NLGN4X: variants seen among roughly 807,000 people sequenced by gnomAD.
NLGN4X encodes the protein neuroligin-4, X-linked.
Under a neutral mutation model 40.3 loss-of-function variants are expected in NLGN4X, and 3 were observed. That is an observed-to-expected ratio of 0.07 (90% CI 0.03 to 0.19). The LOEUF is 0.19. NLGN4X is among the 10% of genes least tolerant of loss of function. The pLI, the probability that NLGN4X is intolerant of heterozygous loss-of-function variation, is 1.00. For synonymous variants in NLGN4X, 270 were observed against 306.8 expected (o/e 0.88, Z 1.25); for missense variants, 382 against 708.3 (o/e 0.54, Z 5.23).
intron 1 of NLGN4X, among the ~76,000 whole-genome samples, chrX:6,198,070 C>CA (rs763941311): frequency 8.6e-5 from 9 of 104,753 alleles, no homozygotes; most frequent in Admixed American, 4.1e-4. Context: ...TCTCAAAAAA[C>CA]AAAAAAAATC....
intron 1 of NLGN4X, among the ~76,000 whole-genome samples, chrX:6,209,381 A>G (rs756491108): frequency 2.7e-5 from 3 of 111,797 alleles, no homozygotes; most frequent in Non-Finnish European, 3.8e-5. Flanking sequence ...TTAAATTTAT[A>G]TAAGTTTTTT....
intron 1 of NLGN4X, among the ~76,000 whole-genome samples, chrX:6,194,669 A>G (rs1315037760): frequency 8.9e-6 from 1 of 112,280 alleles, no homozygotes; most frequent in African/African-American, 3.2e-5. Flanking sequence ...TTCTCATAAC[A>G]CCTAGCACAT....
Position 5,995,080 on chromosome X carries a change from G to A in NLGN4X, c.625+34200C>T, listed in dbSNP as rs999618365. 6.2e-5 allele frequency among the ~76,000 whole-genome samples: 7 copies of A among 112,081 alleles called. No individual in the cohort carries two copies. In the East Asian group the frequency reaches 1.9e-3, roughly 31 times the overall value. On this transcript the variant is annotated intron_variant, in intron 3 of 5. Transcript: ENST00000381095. ...CAATCTTTGTAACAGCTCCTCTAAT[G>A]AATGAGTCAATACTTTTAATAATCC... is the stretch of plus-strand genomic sequence containing the variant.
intron 3 of NLGN4X, among the ~76,000 whole-genome samples, chrX:5,991,158 G>T (rs1045804937): frequency 9.0e-6 from 1 of 111,431 alleles, no homozygotes; most frequent in African/African-American, 3.3e-5. Context: ...GAAATATGTG[G>T]CCGCCTTCTC....
intron 3 of NLGN4X, among the ~76,000 whole-genome samples, chrX:5,983,196 G>A (rs992003214): frequency 3.7e-5 from 4 of 108,831 alleles, no homozygotes; most frequent in African/African-American, 1.5e-4. Flanking sequence ...TCAGGGAAGA[G>A]CATGGCCCCA....
chrX:6,156,910 T>TA (rs374144451), intron 1 of NLGN4X, among the ~76,000 whole-genome samples: 194 of 108,908 alleles, frequency 1.8e-3, no homozygotes, highest in African/African-American at 5.4e-3. Flanking sequence ...ATGTTTAAGG[T>TA]AAAAAAAAAT....
intron 3 of NLGN4X, among the ~76,000 whole-genome samples, chrX:5,950,340 C>A (rs1300226880): frequency 8.9e-6 from 1 of 112,005 alleles, no homozygotes; most frequent in Non-Finnish European, 1.9e-5. Context: ...CTATTGTCTG[C>A]TGACTTAGTA....
At chrX:6,005,470 C>T (rs1010629291) in intron 3 of NLGN4X, among the ~76,000 whole-genome samples, 4 of 111,116 alleles carry the variant, frequency 3.6e-5, no homozygotes, top group Non-Finnish European at 7.5e-5. Flanking sequence ...CTGTCTGCAG[C>T]GGAACCATCA....
chrX:6,070,909 A>AC (rs1051860467), intron 2 of NLGN4X, among the ~76,000 whole-genome samples: 5 of 111,327 alleles, frequency 4.5e-5, no homozygotes, highest in African/African-American at 1.6e-4. Flanking sequence ...AAGGGAGACC[A>AC]CCCCCATGAT....
chrX:5,962,009 T>C (rs2034677816), intron 3 of NLGN4X, among the ~76,000 whole-genome samples: 1 of 112,149 alleles, frequency 8.9e-6, no homozygotes, highest in Admixed American at 9.4e-5. Context: ...ATCTTATACC[T>C]GCTTTTTCCT....
intron 3 of NLGN4X, among the ~76,000 whole-genome samples, chrX:5,929,043 G>A (rs1261480880): frequency 3.7e-5 from 4 of 109,531 alleles, no homozygotes; most frequent in Non-Finnish European, 3.8e-5. Context: ...AAAATGCAAT[G>A]ATTATTATTT....
intron 2 of NLGN4X, among the ~76,000 whole-genome samples, chrX:6,067,794 T>C (rs1311907025): frequency 8.9e-6 from 1 of 111,744 alleles, no homozygotes; most frequent in Non-Finnish European, 1.9e-5. Context: ...GAATTACTCA[T>C]GTTAAATAAA....
At chrX:6,047,342 G>A (rs766532077) in intron 2 of NLGN4X, among the ~76,000 whole-genome samples, 108 of 111,374 alleles carry the variant, frequency 9.7e-4, no homozygotes, top group Non-Finnish European at 1.7e-3. Context: ...GCTGGTCGTG[G>A]GGTGTGCACC....
intron 3 of NLGN4X, among the ~76,000 whole-genome samples, chrX:5,915,351 G>T (rs1468152044): frequency 9.0e-6 from 1 of 111,243 alleles, no homozygotes; most frequent in Admixed American, 9.6e-5. Flanking sequence ...AAGTGCTTTA[G>T]TTTAAATTAC....
intron 2 of NLGN4X, among the ~76,000 whole-genome samples, chrX:6,117,941 T>G (rs1248572068): frequency 9.3e-6 from 1 of 107,518 alleles, no homozygotes; most frequent in Non-Finnish European, 1.9e-5. Context: ...ATCAGTGAGG[T>G]GCAACATAAG....
chrX:6,047,894 G>T (rs1372430625), intron 2 of NLGN4X, among the ~76,000 whole-genome samples: 1 of 111,598 alleles, frequency 9.0e-6, no homozygotes, highest in African/African-American at 3.3e-5. Context: ...TTGGATGTAG[G>T]CCTCTTGGGT....
chrX:5,959,359 T>A (rs989370195), intron 3 of NLGN4X, among the ~76,000 whole-genome samples: 8 of 112,234 alleles, frequency 7.1e-5, no homozygotes, highest in Non-Finnish European at 1.1e-4. Context: ...ACATTTTCTC[T>A]AAACGATTTT....
chrX:6,021,007 TC>T (rs2036519167), intron 3 of NLGN4X, among the ~76,000 whole-genome samples: 5 of 10,514 alleles, frequency 4.8e-4, no homozygotes, highest in African/African-American at 1.8e-3. Flanking sequence ...TTCTTTTCTC[TC>T]TCTCTCTCTC....
intron 2 of NLGN4X, among the ~76,000 whole-genome samples, chrX:6,075,220 C>T (rs1602181121): frequency 9.0e-6 from 1 of 111,625 alleles, no homozygotes; most frequent in African/African-American, 3.3e-5. Context: ...CACAGCTACA[C>T]TGGACAAGGT....
Sources: gnomAD v4.1 joint callset for allele counts (sites outside exome capture counted in the v4.1 genomes callset) on GRCh38, gnomAD v4.1.1 for gene constraint, MANE v1.5 for transcripts, NCBI Gene and HGNC (gene_info 2026-07-23, HGNC 2026-07-21) for gene names.